Variants in BTRC observed in about 807,000 individuals in gnomAD.
BTRC encodes F-box/WD repeat-containing protein 1A.
BTRC carries 42 observed loss-of-function variants against 85.5 expected under a neutral mutation model. The ratio of observed to expected loss-of-function variants is 0.49; its 90% confidence interval spans 0.38 to 0.64. The LOEUF (loss-of-function observed/expected upper bound fraction) is 0.64. Ranked by LOEUF, BTRC falls within the 30% of genes least tolerant of loss-of-function variation. The pLI is 0.00. For missense variants in BTRC, 594 were observed against 743.5 expected, an observed-to-expected ratio of 0.80 and a Z score of 2.34; for synonymous variants, 255 against 263.3, an observed-to-expected ratio of 0.97 and a Z score of 0.30.
intron 1 of BTRC, among the ~76,000 whole-genome samples, chr10:101,384,057 C>T (rs963695506): frequency 1.3e-5 from 2 of 152,006 alleles, no homozygotes; most frequent in East Asian, 1.9e-4. Context: ...TTATATTTGT[C>T]GAATTTTCTT....
At chr10:101,435,766 CAG>C (rs1018315030) in intron 2 of BTRC, among the ~76,000 whole-genome samples, 18 of 151,952 alleles carry the variant, frequency 1.2e-4, no homozygotes, top group African/African-American at 4.4e-4. Context: ...TTAAAAGAGA[CAG>C]TGAAGCAATT....
At chr10:101,356,970 A>C (rs1385423048) in intron 1 of BTRC, among the ~76,000 whole-genome samples, 1 of 151,544 alleles carries the variant, frequency 6.6e-6, no homozygotes, top group African/African-American at 2.4e-5. Flanking sequence ...CTCTCTAAAA[A>C]TACAAAAAAT....
rs1180230803 is a variant in BTRC, at chr10:101,368,395, C to T, written c.48+14167C>T. Among the ~76,000 whole-genome samples the T allele has an allele frequency of 2.0e-5, 3 of 151,702 alleles. No homozygotes were observed. The East Asian group carries it at 5.8e-4, about 29-fold the overall frequency. On this transcript the variant is annotated intron_variant, in intron 1 of 14. Transcript: ENST00000370187. ...CCTTTTTTTATTATGAATTACCCAC[C>T]CTCAGGTATTCCATTATAGCAACGT...
intron 1 of BTRC, among the ~76,000 whole-genome samples, chr10:101,426,447 G>C (rs894313148): frequency 6.6e-6 from 1 of 152,114 alleles, no homozygotes; most frequent in Non-Finnish European, 1.5e-5. Context: ...AATCACACCG[G>C]TATATCTAGT....
At chr10:101,475,703 T>C (rs1461207426) in intron 3 of BTRC, among the ~76,000 whole-genome samples, 1 of 151,812 alleles carries the variant, frequency 6.6e-6, no homozygotes, top group African/African-American at 2.4e-5. Context: ...CATGCTGATA[T>C]AAACAAATGA....
At chr10:101,417,708 A>G (rs1589442306) in intron 1 of BTRC, among the ~76,000 whole-genome samples, 1 of 152,254 alleles carries the variant, frequency 6.6e-6, no homozygotes, top group Middle Eastern at 3.4e-3. Context: ...TTTTAGAGAT[A>G]GGGTCTTGTT....
At chr10:101,410,923 C>T (rs935682719) in intron 1 of BTRC, among the ~76,000 whole-genome samples, 1 of 149,798 alleles carries the variant, frequency 6.7e-6, no homozygotes, top group African/African-American at 2.5e-5. Context: ...ATTATTTTTG[C>T]TTAAATTGCT....
chr10:101,514,349 T>C lies in BTRC; in HGVS notation c.325-7290T>C, dbSNP rs1589578139. Reference sequence around the variant, plus strand: ...CTTTTAGAAGTTTTATAGTTTTAGCTCCTATATATAAATCTAGAATTAAGT... The same window carrying C: ...CTTTTAGAAGTTTTATAGTTTTAGCCCCTATATATAAATCTAGAATTAAGT... On this transcript the variant is annotated intron_variant, in intron 4 of 14. Coordinates refer to ENST00000370187, the MANE Select transcript of BTRC (RefSeq NM_033637.4). Among the ~76,000 whole-genome samples, 4 of 152,306 alleles carry C rather than the reference T, an allele frequency of 2.6e-5. No individual in the cohort carries two copies. The South Asian group carries it at 8.3e-4, about 32-fold the overall frequency.
intron 1 of BTRC, among the ~76,000 whole-genome samples, chr10:101,422,512 C>T (rs1357763896): frequency 2.6e-5 from 4 of 152,138 alleles, no homozygotes; most frequent in Non-Finnish European, 4.4e-5. Flanking sequence ...GTTGCTATGG[C>T]TTTTGGTGTT....
At chr10:101,414,836 A>G (rs187012493) in intron 1 of BTRC, among the ~76,000 whole-genome samples, 1 of 151,692 alleles carries the variant, frequency 6.6e-6, no homozygotes, top group Admixed American at 6.6e-5. Context: ...GTAAGGAAAA[A>G]TATTTTTGTA....
intron 13 of BTRC, among the ~76,000 whole-genome samples, chr10:101,540,838 G>C (rs2062455057): frequency 6.6e-6 from 1 of 152,048 alleles, no homozygotes. Context: ...TCAGTTTGGA[G>C]AATATTGACT....
intron 4 of BTRC, among the ~76,000 whole-genome samples, chr10:101,484,987 C>T (rs1418306488): frequency 6.6e-6 from 1 of 152,178 alleles, no homozygotes. Context: ...TGTAAGAATA[C>T]ATTTTCTTCT....
At position 101,366,929 on chromosome 10, in the gene BTRC, TA is replaced by T. The variant is rs1942438500; in HGVS notation, c.48+12702del. On this transcript the variant is annotated intron_variant, in intron 1 of 14. Transcript: ENST00000370187. Reference sequence around the variant, plus strand: ...ATATTAATATATATTTATATATATTTATATATATTTATATATATTTATATAT... The same window carrying T: ...ATATTAATATATATTTATATATATTTTATATATTTATATATATTTATATAT... 1.0e-4 allele frequency among the ~76,000 whole-genome samples: 2 copies of T among 19,314 alleles called. 1 individual carries two copies. The highest frequency in any genetic ancestry group is 1.6e-4 in the Non-Finnish European group (2 of 12,298). The allele number at this position is 19,314 out of a possible 152,430, so 12.7% of individuals were successfully genotyped here. A position where few individuals can be genotyped will look rare whatever the true frequency, so the allele number is the denominator to read the frequency against.
At chr10:101,440,358 G>A (rs1215078675) in intron 2 of BTRC, among the ~76,000 whole-genome samples, 4 of 151,734 alleles carry the variant, frequency 2.6e-5, no homozygotes, top group Non-Finnish European at 5.9e-5. Context: ...GAATTTACAA[G>A]TAAAGTTTTA....
chr10:101,509,837 C>T (rs1472366989), intron 4 of BTRC, among the ~76,000 whole-genome samples: 3 of 150,314 alleles, frequency 2.0e-5, no homozygotes, highest in African/African-American at 7.4e-5. Context: ...TCTGGGATTA[C>T]AGGCATGAGC....
At chr10:101,398,706 A>G (rs1434041512) in intron 1 of BTRC, among the ~76,000 whole-genome samples, 1 of 152,038 alleles carries the variant, frequency 6.6e-6, no homozygotes, top group Non-Finnish European at 1.5e-5. Flanking sequence ...TTAGTGGAGG[A>G]TTTTATATTT....
intron 4 of BTRC, among the ~76,000 whole-genome samples, chr10:101,513,228 A>C (rs1250880102): frequency 2.0e-5 from 3 of 152,214 alleles, no homozygotes; most frequent in African/African-American, 4.8e-5. Flanking sequence ...CCTTAGTTAC[A>C]AATAAAATTC....
intron 1 of BTRC, among the ~76,000 whole-genome samples, chr10:101,357,663 C>T (rs1043204452): frequency 6.6e-6 from 1 of 151,854 alleles, no homozygotes; most frequent in Non-Finnish European, 1.5e-5. Context: ...GTTTAAAATG[C>T]CAGAATGAAA....
chr10:101,368,848 G>A (rs533950818), intron 1 of BTRC, among the ~76,000 whole-genome samples: 10 of 152,092 alleles, frequency 6.6e-5, no homozygotes, highest in South Asian at 4.2e-4. Flanking sequence ...GTGAAACCTC[G>A]CTTCTACTAA....
Sources: gnomAD v4.1 joint callset for allele counts (sites outside exome capture counted in the v4.1 genomes callset) on GRCh38, gnomAD v4.1.1 for gene constraint, MANE v1.5 for transcripts, NCBI Gene and HGNC (gene_info 2026-07-23, HGNC 2026-07-21) for gene names.